Variants in DOK6 observed in about 807,000 individuals in gnomAD.
The protein encoded by DOK6 is downstream of tyrosine kinase 6.
Under a neutral mutation model 44.0 loss-of-function variants are expected in DOK6, and 22 were observed. That is an observed-to-expected ratio of 0.50 (90% confidence interval 0.36 to 0.71). DOK6 has a LOEUF of 0.71. Ranked by LOEUF, DOK6 falls within the 30% of genes least tolerant of loss-of-function variation. The pLI is 0.00. For synonymous variants in DOK6, 166 were observed against 145.5 expected (o/e 1.14, Z -1.01); for missense variants, 340 against 416.4 (o/e 0.82, Z 1.60).
chr18:69,840,754 T>C (rs1982193430), intron 7 of DOK6, among the ~76,000 whole-genome samples: 1 of 152,228 alleles, frequency 6.6e-6, no homozygotes, highest in South Asian at 2.1e-4. Flanking sequence ...TTCTTTCTGA[T>C]AATTCATGGT....
In DOK6 at chr18:69,841,973, T is replaced by TGTG. The variant is rs1056943294; in HGVS notation, c.*591_*593dup. 2.0e-5 allele frequency: 3 copies of TGTG among 153,108 alleles called. No homozygotes were observed. The highest frequency in any genetic ancestry group is 7.3e-5 in the African/African-American group (3 of 41,284). The allele number at this position is 153,108 out of a possible 1,614,324, so 9.5% of individuals were successfully genotyped here. A position where few individuals can be genotyped will look rare whatever the true frequency, so the allele number is the denominator to read the frequency against. On this transcript the variant is annotated 3_prime_UTR_variant, in exon 8 of 8. Transcript: ENST00000382713. ...TCGTGTGTGTGTGTGCGTGTGTGTG[T>TGTG]GTGTGTGTAGACAAATGGATATTGC...
At chr18:69,504,474 G>C (rs941549918) in intron 1 of DOK6, among the ~76,000 whole-genome samples, 1 of 152,158 alleles carries the variant, frequency 6.6e-6, no homozygotes, top group African/African-American at 2.4e-5. Context: ...TTCTGAGCCT[G>C]CTTCTCTAGT....
rs1275313941 is a variant in DOK6, at chr18:69,667,961, T to G, written c.290-9773T>G. The stretch of plus-strand genomic sequence containing the variant: ...TTCATCCATCCACTTCAATAACTAA[T>G]AAGAATCTGAGAATTATTTCTAAAA... On this transcript the variant is annotated intron_variant, in intron 3 of 7. Coordinates refer to ENST00000382713, the MANE Select transcript of DOK6 (RefSeq NM_152721.6). 2.6e-5 allele frequency among the ~76,000 whole-genome samples: 4 copies of G among 152,216 alleles called. 1 individual carries two copies. Among genetic ancestry groups the G allele is most frequent in the Non-Finnish European group, 5.9e-5 (4 of 68,042 alleles).
chr18:69,825,818 T>C (rs948428262), intron 7 of DOK6, among the ~76,000 whole-genome samples: 1 of 152,140 alleles, frequency 6.6e-6, no homozygotes, highest in Non-Finnish European at 1.5e-5. Context: ...ATTCTCATAG[T>C]CAAGTACATA....
intron 3 of DOK6, among the ~76,000 whole-genome samples, chr18:69,613,880 C>A (rs1984221350): frequency 6.6e-6 from 1 of 151,268 alleles, no homozygotes; most frequent in African/African-American, 2.4e-5. Flanking sequence ...TAAATTCTTC[C>A]ACATGAAAAA....
At chr18:69,757,928 C>A in intron 7 of DOK6, 55 bp downstream of exon 7, 1 of 1,442,738 alleles carries the variant, frequency 6.9e-7, no homozygotes, top group Non-Finnish European at 9.8e-7. Flanking sequence ...TCCAGGTGGA[C>A]TGAGTCATGC....
At chr18:69,571,592 T>C (rs1983115667) in intron 2 of DOK6, among the ~76,000 whole-genome samples, 3 of 152,098 alleles carry the variant, frequency 2.0e-5, no homozygotes, top group Middle Eastern at 3.4e-3. Context: ...CTGTATTAAA[T>C]CAGAGAAATA....
intron 7 of DOK6, among the ~76,000 whole-genome samples, chr18:69,812,638 A>G (rs1981276892): frequency 6.6e-6 from 1 of 152,110 alleles, no homozygotes; most frequent in African/African-American, 2.4e-5. Flanking sequence ...AATGAGTCAA[A>G]GCATCCTACA....
At chr18:69,487,363 G>A (rs562479471) in intron 1 of DOK6, among the ~76,000 whole-genome samples, 1 of 152,116 alleles carries the variant, frequency 6.6e-6, no homozygotes, top group East Asian at 1.9e-4. Flanking sequence ...AGACTGAAAA[G>A]GGGCATTTCT....
intron 1 of DOK6, among the ~76,000 whole-genome samples, chr18:69,414,638 G>C (rs528644270): frequency 6.6e-6 from 1 of 152,170 alleles, no homozygotes; most frequent in South Asian, 2.1e-4. Flanking sequence ...GAATCCTTTT[G>C]ATGGTTGAAA....
chr18:69,767,923 A>G (rs1001571826), intron 7 of DOK6, among the ~76,000 whole-genome samples: 5 of 152,194 alleles, frequency 3.3e-5, no homozygotes, highest in Non-Finnish European at 5.9e-5. Flanking sequence ...TAAAAGATGA[A>G]GAGTTTCCAG....
At chr18:69,617,070 C>T (rs147986859) in intron 3 of DOK6, among the ~76,000 whole-genome samples, 2 of 134,638 alleles carry the variant, frequency 1.5e-5, no homozygotes, top group Non-Finnish European at 3.2e-5. Flanking sequence ...CCAACTTGTC[C>T]CTTGTATATC....
rs562549413 is a variant in DOK6, at chr18:69,656,287, GA to G, written c.290-21444del. Reference sequence around the variant, plus strand: ...TATTTTCAGAAACATAAAAGCAAAGGAAATTGATTAACCTAGATCTTTACAG... The same window carrying G: ...TATTTTCAGAAACATAAAAGCAAAGGAATTGATTAACCTAGATCTTTACAG... On this transcript the variant is annotated intron_variant, in intron 3 of 7. Transcript: ENST00000382713. Among the ~76,000 whole-genome samples the G allele has an allele frequency of 1.1e-3, 172 of 152,236 alleles. 1 individual carries two copies. The highest frequency in any genetic ancestry group is 4.0e-3 in the African/African-American group (165 of 41,550).
intron 7 of DOK6, among the ~76,000 whole-genome samples, chr18:69,803,871 T>C (rs778729251): frequency 3.3e-5 from 5 of 151,930 alleles, no homozygotes; most frequent in Non-Finnish European, 7.4e-5. Flanking sequence ...AAAATATATA[T>C]ATAGCTATGA....
intron 1 of DOK6, among the ~76,000 whole-genome samples, chr18:69,440,294 T>C: frequency 6.6e-6 from 1 of 152,228 alleles, no homozygotes; most frequent in Middle Eastern, 3.4e-3. Flanking sequence ...ATAATAATAA[T>C]GAAATGGTTT....
At chr18:69,423,614 G>T (rs1257586121) in intron 1 of DOK6, among the ~76,000 whole-genome samples, 1 of 152,074 alleles carries the variant, frequency 6.6e-6, no homozygotes, top group East Asian at 1.9e-4. Context: ...TAGAAATACT[G>T]GTTTTTAAAA....
At chr18:69,674,432 C>G (rs1279577250) in intron 3 of DOK6, among the ~76,000 whole-genome samples, 2 of 152,104 alleles carry the variant, frequency 1.3e-5, no homozygotes, top group South Asian at 4.1e-4. Context: ...GAGCTATCTC[C>G]AGCTGTTACA....
chr18:69,460,499 A>C (rs1979758253), intron 1 of DOK6, among the ~76,000 whole-genome samples: 1 of 152,176 alleles, frequency 6.6e-6, no homozygotes, highest in Admixed American at 6.5e-5. Flanking sequence ...TTTATGTAAA[A>C]CTGTTAGATG....
chr18:69,550,171 C>T (rs996708849), intron 1 of DOK6, among the ~76,000 whole-genome samples: 2 of 151,330 alleles, frequency 1.3e-5, no homozygotes, highest in Non-Finnish European at 3.0e-5. Flanking sequence ...TAAAATTCAA[C>T]CTCTTCTGCG....
Sources: allele counts gnomAD v4.1 joint callset (sites outside exome capture counted in the v4.1 genomes callset), GRCh38; gene constraint gnomAD v4.1.1; transcripts MANE v1.5; gene names NCBI Gene and HGNC (gene_info 2026-07-23, HGNC 2026-07-21).